The following IMPA2 variants were observed in gnomAD, a reference collection of about 807,000 sequenced individuals.
The protein encoded by IMPA2 is inositol monophosphatase 2.
A neutral mutation model predicts 35.1 loss-of-function variants in IMPA2; 32 were observed. That is an observed-to-expected ratio of 0.91 (90% CI 0.69 to 1.23). The LOEUF (loss-of-function observed/expected upper bound fraction) is 1.23. Among genes scored for constraint, IMPA2 ranks in the 50% most tolerant of loss-of-function variants. The pLI, the probability that IMPA2 is intolerant of heterozygous loss-of-function variation, is 0.00. For synonymous variants in IMPA2, 135 were observed against 160.6 expected (o/e 0.84, Z 1.20); for missense variants, 334 against 387.6 (o/e 0.86, Z 1.16).
chr18:11,984,824 C>T (rs7407933), intron 1 of IMPA2, among the ~76,000 whole-genome samples: 15,111 of 151,374 alleles, frequency 0.1, 938 homozygotes, highest in East Asian at 0.29. Flanking sequence ...AAAAATTAGC[C>T]GGGCGTGGTG....
intron 5 of IMPA2, among the ~76,000 whole-genome samples, chr18:12,026,861 C>T (rs540800479): frequency 3.7e-4 from 56 of 152,342 alleles, no homozygotes; most frequent in African/African-American, 1.3e-3. Flanking sequence ...AGCTTCAGTG[C>T]TGGGCATGGC....
chr18:11,988,121 T>C (rs1350559901), intron 1 of IMPA2, among the ~76,000 whole-genome samples: 1 of 145,738 alleles, frequency 6.9e-6, no homozygotes, highest in African/African-American at 2.5e-5. Flanking sequence ...TTCTCCTGCC[T>C]CAGCCTCCCG....
chr18:11,999,739 A>G (rs1222839531), intron 2 of IMPA2, among the ~76,000 whole-genome samples: 1 of 152,276 alleles, frequency 6.6e-6, no homozygotes, highest in African/African-American at 2.4e-5. Flanking sequence ...TGTCCCTGCA[A>G]GAGGCCTGTA....
intron 5 of IMPA2, among the ~76,000 whole-genome samples, chr18:12,023,938 T>C (rs1452275149): frequency 6.6e-6 from 1 of 152,186 alleles, no homozygotes; most frequent in Non-Finnish European, 1.5e-5. Context: ...TTTGGAAAAT[T>C]ATATCAAAAC....
At chr18:12,012,112 G>T in intron 3 of IMPA2, 58 bp from the exon 4 acceptor site, 2 of 1,546,700 alleles carry the variant, frequency 1.3e-6, no homozygotes, top group East Asian at 2.2e-5. Flanking sequence ...CAGCACACAG[G>T]CTCCCGAGAG....
chr18:11,986,817 G>A (rs1906679402), intron 1 of IMPA2, among the ~76,000 whole-genome samples: 1 of 152,174 alleles, frequency 6.6e-6, no homozygotes, highest in Admixed American at 6.5e-5. Flanking sequence ...ATTGTTGACA[G>A]AATTATTCTG....
intron 1 of IMPA2, among the ~76,000 whole-genome samples, chr18:11,984,130 C>T (rs770671689): frequency 1.6e-4 from 24 of 152,306 alleles, no homozygotes; most frequent in Middle Eastern, 3.4e-3. Flanking sequence ...ACTGTCCTTT[C>T]TCTCTTAGAC....
Position 12,010,225 on chromosome 18 carries a change from T to C in IMPA2, c.335+238T>C, listed in dbSNP as rs556738586. The C allele has an allele frequency of 2.4e-4, 112 of 460,828 alleles. No homozygotes were observed. Among genetic ancestry groups the C allele is most frequent in the African/African-American group, 2.0e-3 (101 of 49,748 alleles). The allele number at this position is 460,828 out of a possible 1,614,324, so 28.5% of individuals were successfully genotyped here. ...CACTTGTTTAAAAACCAGTTTGTTA[T>C]GTTAAAAATGTTGGGTTGCATTTAA... On this transcript the variant is annotated intron_variant, in intron 3 of 7. Transcript: ENST00000269159. The surrounding 1 kb of genome is among the most constrained non-coding windows in gnomAD (Gnocchi z 4.8).
rs1262044645 is a variant in IMPA2, at chr18:11,981,683, G to A, written c.14G>A (p.Gly5Asp). ...GGCGAGGCCGCGATGAAGCCGAGCGGCGAGGACCAGGCGGCGCTGGCGGCC... is the reference window on the plus strand; with the variant it reads ...GGCGAGGCCGCGATGAAGCCGAGCGACGAGGACCAGGCGGCGCTGGCGGCC... MKPS[G>D]EDQAALAAGP... The change falls in exon 1 of 8, where the codon GGC becomes GAC. Residue 5 changes from glycine (G) to aspartate (D), a missense_variant. Physicochemically the swap from Gly to Asp is moderately conservative, Grantham distance 94 (BLOSUM62 -1). Coordinates refer to ENST00000269159, the MANE Select transcript of IMPA2 (RefSeq NM_014214.3). 5 of 1,230,760 alleles carry A rather than the reference G, an allele frequency of 4.1e-6. No homozygotes were observed. In the East Asian group the frequency reaches 1.6e-4, roughly 39 times the overall value. The allele number at this position is 1,230,760 out of a possible 1,614,324, so 76.2% of individuals were successfully genotyped here. A position where few individuals can be genotyped will look rare whatever the true frequency, so the allele number is the denominator to read the frequency against.
At position 12,003,078 on chromosome 18, in the gene IMPA2, C is replaced by T. The variant is rs184161112; in HGVS notation, c.230+3891C>T. Reference sequence around the variant, plus strand: ...GGCATGGTAGTGCGTGCCTGTAATCCCAGCTACTCAGGAGGCTGAGGCAGG... The same window carrying T: ...GGCATGGTAGTGCGTGCCTGTAATCTCAGCTACTCAGGAGGCTGAGGCAGG... On this transcript the variant is annotated intron_variant, in intron 2 of 7. Coordinates refer to ENST00000269159, the MANE Select transcript of IMPA2 (RefSeq NM_014214.3). Among the ~76,000 whole-genome samples, 713 of 151,844 alleles carry T rather than the reference C, an allele frequency of 4.7e-3. 3 individuals carry two copies. Among genetic ancestry groups the T allele is most frequent in the Non-Finnish European group, 8.2e-3 (559 of 67,978 alleles).
chr18:11,996,260 G>T (rs1906955194), intron 1 of IMPA2, among the ~76,000 whole-genome samples: 1 of 152,202 alleles, frequency 6.6e-6, no homozygotes, highest in Admixed American at 6.5e-5. Flanking sequence ...GCTGTGAAGG[G>T]CTCGCCCTGG....
intron 5 of IMPA2, among the ~76,000 whole-genome samples, chr18:12,023,479 C>T (rs537187208): frequency 6.6e-6 from 1 of 152,284 alleles, no homozygotes; most frequent in South Asian, 2.1e-4. Flanking sequence ...TGAAATACCC[C>T]AGGGCACTTG....
At chr18:12,014,675 C>A (rs866526310) in intron 5 of IMPA2, among the ~76,000 whole-genome samples, 31 of 152,208 alleles carry the variant, frequency 2.0e-4, no homozygotes, top group Middle Eastern at 6.8e-3. Context: ...GGGTGAGCAG[C>A]CCGAGGCCAG....
rs201144467 is a variant in IMPA2 at position 12,022,299 on chromosome 18, AG to A, written c.491-5742del. On this transcript the variant is annotated intron_variant, in intron 5 of 7. Coordinates refer to ENST00000269159, the MANE Select transcript of IMPA2 (RefSeq NM_014214.3). ...GTAATCCTAGCACTTTGGGAGGCCG[AG>A]GTGGGTGGATCAGTTGAGGTCAGGA... Among the ~76,000 whole-genome samples the A allele has an allele frequency of 8.4e-3, 1,275 of 152,056 alleles. 15 individuals carry two copies. The highest frequency in any genetic ancestry group is 0.03 in the African/African-American group (1,230 of 41,454).
At chr18:12,005,519 C>G (rs888458295) in intron 2 of IMPA2, among the ~76,000 whole-genome samples, 4 of 151,972 alleles carry the variant, frequency 2.6e-5, no homozygotes, top group African/African-American at 9.7e-5. Context: ...AAAGTACTTG[C>G]TGGGTTACAC....
chr18:12,000,676 C>T (rs558552381), intron 2 of IMPA2, among the ~76,000 whole-genome samples: 10 of 141,054 alleles, frequency 7.1e-5, no homozygotes, highest in African/African-American at 1.1e-4. Flanking sequence ...AGTGCAGTGG[C>T]GTGATCTTGG....
At position 12,014,358 on chromosome 18, in the gene IMPA2, G is replaced by A. The variant is rs370701883; in HGVS notation, c.475G>A (p.Val159Ile). Residue 159 changes from valine to isoleucine, a missense_variant, in exon 5 of 8, where the codon GTC becomes ATC. Transcript: ENST00000269159. ...CTTCTGCAATGGCCAGCGGCTCCGG[G>A]TCTCCGGGGAGACAGGTGGGCTTCA... ...GAFCNGQRLR[V>I]SGETDLSKAL... The A allele has an allele frequency of 1.8e-5, 29 of 1,592,264 alleles. No homozygotes were observed. The highest frequency in any genetic ancestry group is 2.4e-5 in the Non-Finnish European group (28 of 1,169,510).
chr18:12,016,425 CTTT>C (rs1262483020), intron 5 of IMPA2, among the ~76,000 whole-genome samples: 1 of 132,382 alleles, frequency 7.6e-6, no homozygotes. Context: ...GATTCTGCCG[CTTT>C]TTTTTTTTTT....
At chr18:11,997,746 A>G (rs958618377) in intron 1 of IMPA2, among the ~76,000 whole-genome samples, 2 of 152,154 alleles carry the variant, frequency 1.3e-5, no homozygotes, top group Non-Finnish European at 2.9e-5. Flanking sequence ...TGGCCAATTG[A>G]TGGTCCTTTT....
Sources: allele counts gnomAD v4.1 joint callset (sites outside exome capture counted in the v4.1 genomes callset), GRCh38; gene constraint gnomAD v4.1.1; non-coding constraint Gnocchi (gnomAD v3.1); transcripts MANE v1.5; gene names NCBI Gene and HGNC (gene_info 2026-07-23, HGNC 2026-07-21).